The following RHOU variants were observed in gnomAD, a reference collection of about 807,000 sequenced individuals.
RHOU encodes ras homolog family member U.
A neutral mutation model predicts 12.6 loss-of-function variants in RHOU; 8 were observed. That is an observed-to-expected ratio of 0.64 (90% CI 0.37 to 1.15). RHOU has a LOEUF of 1.15. RHOU is among the 50% of genes most tolerant of loss of function. RHOU has a pLI of 0.01. For missense variants in RHOU, 258 were observed against 347.0 expected, an observed-to-expected ratio of 0.74 and a Z score of 2.04; for synonymous variants, 161 against 147.4, an observed-to-expected ratio of 1.09 and a Z score of -0.67.
chr1:228,736,173 G>A (rs546156425), intron 1 of RHOU, among the ~76,000 whole-genome samples, 169 bp downstream of exon 1: 2 of 151,196 alleles, frequency 1.3e-5, no homozygotes, highest in South Asian at 4.2e-4. Flanking sequence ...TGAGTCTCAG[G>A]GACCGGGCAA....
At chr1:228,663,735 C>A in the RHOU span, among the ~76,000 whole-genome samples, 1 of 146,288 alleles carries the variant, frequency 6.8e-6, no homozygotes, top group Non-Finnish European at 1.5e-5. Flanking sequence ...CGAGATCAAG[C>A]GATTCTCCTG....
At chr1:228,667,005 A>G in the RHOU span, among the ~76,000 whole-genome samples, 2 of 152,114 alleles carry the variant, frequency 1.3e-5, no homozygotes, top group Non-Finnish European at 2.9e-5. Flanking sequence ...GTCTGTTATT[A>G]TTATTATTTT....
At chr1:228,720,576 C>G in the RHOU span, among the ~76,000 whole-genome samples, 156 of 152,150 alleles carry the variant, frequency 1.0e-3, no homozygotes, top group East Asian at 0.026. Context: ...AAGGAAGGAC[C>G]CTGTGAAGAC....
At chr1:228,701,980 A>G in the RHOU span, among the ~76,000 whole-genome samples, 3 of 152,142 alleles carry the variant, frequency 2.0e-5, no homozygotes, top group East Asian at 3.9e-4. Context: ...GTATTTATAG[A>G]TGAAAACCAT....
the RHOU span, among the ~76,000 whole-genome samples, chr1:228,662,569 A>G: frequency 6.6e-6 from 1 of 151,934 alleles, no homozygotes; most frequent in Non-Finnish European, 1.5e-5. Context: ...TTCTGAGCAA[A>G]CTATCACGAG....
the RHOU span, among the ~76,000 whole-genome samples, chr1:228,710,014 A>G: frequency 6.3e-4 from 96 of 152,350 alleles, no homozygotes; most frequent in Non-Finnish European, 1.3e-3. Context: ...AACTACCATA[A>G]GAGAATACTA....
chr1:228,682,421 C>T, the RHOU span, among the ~76,000 whole-genome samples: 8 of 147,058 alleles, frequency 5.4e-5, no homozygotes, highest in African/African-American at 1.7e-4. Context: ...GTTTATTTCA[C>T]CTGGGTGTAG....
At chr1:228,647,202 A>G in the RHOU span, among the ~76,000 whole-genome samples, 7 of 152,112 alleles carry the variant, frequency 4.6e-5, no homozygotes, top group Admixed American at 6.6e-5. Context: ...GAGCGCTGAG[A>G]CGGGTTTTTT....
the RHOU span, among the ~76,000 whole-genome samples, chr1:228,713,924 A>G: frequency 6.6e-6 from 1 of 152,106 alleles, no homozygotes; most frequent in African/African-American, 2.4e-5. Context: ...TGCTGTGTGG[A>G]GAAATCCCCA....
the RHOU span, among the ~76,000 whole-genome samples, chr1:228,653,304 G>A: frequency 2.0e-5 from 3 of 152,062 alleles, no homozygotes; most frequent in Non-Finnish European, 4.4e-5. Context: ...TCAGGCTGGT[G>A]CCATCATGTC....
chr1:228,742,425 C>A (rs546180000), intron 2 of RHOU, among the ~76,000 whole-genome samples: 41 of 152,330 alleles, frequency 2.7e-4, no homozygotes, highest in African/African-American at 9.9e-4. Context: ...TCAACTCTAA[C>A]TTATTCTATC....
chr1:228,722,329 C>CCCT, the RHOU span, among the ~76,000 whole-genome samples: 1 of 152,194 alleles, frequency 6.6e-6, no homozygotes, highest in Non-Finnish European at 1.5e-5. Context: ...CCTCAGAGCT[C>CCCT]AGTCTTTGGG....
At chr1:228,694,693 G>C in the RHOU span, among the ~76,000 whole-genome samples, 1 of 152,148 alleles carries the variant, frequency 6.6e-6, no homozygotes, top group Non-Finnish European at 1.5e-5. Context: ...TGGTACATAT[G>C]TACCACATTT....
chr1:228,707,134 A>G, the RHOU span, among the ~76,000 whole-genome samples: 245 of 127,470 alleles, frequency 1.9e-3, 7 homozygotes, highest in African/African-American at 7.7e-3. Flanking sequence ...ATACATATAT[A>G]TATATATATA....
At chr1:228,670,608 C>T in the RHOU span, among the ~76,000 whole-genome samples, 1 of 152,186 alleles carries the variant, frequency 6.6e-6, no homozygotes, top group Non-Finnish European at 1.5e-5. Flanking sequence ...TCTATGATGA[C>T]TTACTTGGAT....
At chr1:228,667,867 G>A in the RHOU span, among the ~76,000 whole-genome samples, 2 of 152,064 alleles carry the variant, frequency 1.3e-5, no homozygotes, top group African/African-American at 4.8e-5. Context: ...AAAAATAAAG[G>A]TTTGGTCTTT....
chr1:228,667,820 A>T, the RHOU span, among the ~76,000 whole-genome samples: 1 of 152,236 alleles, frequency 6.6e-6, no homozygotes, highest in Non-Finnish European at 1.5e-5. Flanking sequence ...TAAAAATGAT[A>T]CAATAAAAAC....
the RHOU span, among the ~76,000 whole-genome samples, chr1:228,704,648 A>T: frequency 4.0e-5 from 6 of 149,166 alleles, 1 homozygote; most frequent in Admixed American, 4.0e-4. Flanking sequence ...TTAAGTAGCG[A>T]TGGGGTGTCC....
chr1:228,692,573 T>C, the RHOU span, among the ~76,000 whole-genome samples: 1,505 of 151,500 alleles, frequency 9.9e-3, 28 homozygotes, highest in African/African-American at 0.035. Context: ...TTTTTGTTTG[T>C]TTTTCTTTTC....
Sources: gnomAD v4.1 joint callset for allele counts (sites outside exome capture counted in the v4.1 genomes callset) on GRCh38, gnomAD v4.1.1 for gene constraint, MANE v1.5 for transcripts, NCBI Gene and HGNC (gene_info 2026-07-23, HGNC 2026-07-21) for gene names.